The following PRUNE2 variants were observed in gnomAD, a reference collection of about 807,000 sequenced individuals.
The protein encoded by PRUNE2 is prune homolog 2 with BCH domain.
A neutral mutation model predicts 252.0 loss-of-function variants in PRUNE2; 164 were observed. The ratio of observed to expected loss-of-function variants is 0.65; its 90% CI spans 0.57 to 0.74. The LOEUF is 0.74. Ranked by LOEUF, PRUNE2 falls within the 30% of genes least tolerant of loss-of-function variation. The probability of loss-of-function intolerance (pLI) is 0.00; values close to 1 mark genes in which losing one functional copy is unlikely to be tolerated. For missense variants in PRUNE2, 3,495 were observed against 3,711.0 expected (o/e 0.94, Z 1.51); for synonymous variants, 1,292 against 1,350.2 (o/e 0.96, Z 0.94).
At chr9:76,672,116 T>C (rs2041611690) in intron 9 of PRUNE2, among the ~76,000 whole-genome samples, 1 of 151,668 alleles carries the variant, frequency 6.6e-6, no homozygotes, top group African/African-American at 2.4e-5. Context: ...GCGAATTGGA[T>C]AAAGAGTCAA....
intron 1 of PRUNE2, among the ~76,000 whole-genome samples, chr9:76,857,471 C>G (rs960873544): frequency 1.3e-5 from 2 of 152,062 alleles, no homozygotes; most frequent in African/African-American, 4.8e-5. Context: ...CCAGAAGGTA[C>G]CTTTTGTGCC....
intron 4 of PRUNE2, among the ~76,000 whole-genome samples, chr9:76,843,725 CTTT>C (rs71501394): frequency 9.6e-4 from 123 of 128,160 alleles, no homozygotes; most frequent in African/African-American, 2.9e-3. Flanking sequence ...CTTGATTCCT[CTTT>C]TTTTTTTTTT....
At chr9:76,749,163 A>G (rs2050395557) in intron 6 of PRUNE2, among the ~76,000 whole-genome samples, 1 of 152,214 alleles carries the variant, frequency 6.6e-6, no homozygotes, top group African/African-American at 2.4e-5. Context: ...ACTGTAACAT[A>G]TACCACTGAG....
chr9:76,707,668 T>C lies in PRUNE2; in HGVS notation c.4606A>G (p.Ile1536Val), dbSNP rs1475606463. The part of the protein sequence containing the change: ...GSSGNFDRDT[I>V]SSEYTHSSAS... ...CTTGAATGAGTATACTCACTAGAAA[T>C]AGTATCTCTGTCAAAATTTCCAGAC... is the stretch of plus-strand genomic sequence containing the variant. The change falls in exon 8 of 19, where the codon ATT (isoleucine) becomes GTT (valine). Residue 1536 changes from isoleucine (I) to valine (V), a missense_variant. By Grantham distance (29) the Ile-to-Val change is conservative. Coordinates refer to ENST00000376718, the MANE Select transcript of PRUNE2 (RefSeq NM_015225.3). 1.9e-6 allele frequency: 3 copies of C among 1,613,800 alleles called. No individual in the cohort carries two copies.
rs113734144 is a variant in PRUNE2, at chr9:76,857,241, T to C, written c.37-3033A>G. 494 of 422,074 alleles carry C rather than the reference T, an allele frequency of 1.2e-3. 4 individuals are homozygous for C. The highest frequency in any genetic ancestry group is 8.7e-3 in the African/African-American group (424 of 48,790). 26.1% of individuals were successfully genotyped at this position (422,074 alleles called of 1,614,324 possible). ...CACCCCCATCCATCAAAATGTACCATCTTGGTGCCCAGGCTCTCAAGGACC... is the reference window on the plus strand; with the variant it reads ...CACCCCCATCCATCAAAATGTACCACCTTGGTGCCCAGGCTCTCAAGGACC... On this transcript the variant is annotated intron_variant, in intron 1 of 18. Transcript: ENST00000376718.
chr9:76,837,441 A>AATAATAATAATAATAATAAT (rs2059067219), intron 4 of PRUNE2, among the ~76,000 whole-genome samples: 1 of 134,826 alleles, frequency 7.4e-6, no homozygotes, highest in African/African-American at 2.7e-5. Context: ...ACTCTGTCTC[A>AATAATAATAATAATAATAAT]AATAATAATA....
chr9:76,743,620 A>G (rs186497007), intron 6 of PRUNE2, among the ~76,000 whole-genome samples: 1 of 152,256 alleles, frequency 6.6e-6, no homozygotes, highest in Non-Finnish European at 1.5e-5. Context: ...TATCATGTTA[A>G]TATTAAAAGA....
chr9:76,641,810 T>A (rs146989309), intron 12 of PRUNE2: 8,754 of 795,554 alleles, frequency 0.011, 77 homozygotes, highest in Non-Finnish European at 0.015. Flanking sequence ...CAGACAGGCA[T>A]GAAAGGGATG....
chr9:76,759,929 G>C (rs1651596888), intron 6 of PRUNE2: 1 of 152,284 alleles, frequency 6.6e-6, no homozygotes, highest in Non-Finnish European at 1.5e-5. Flanking sequence ...CCTCCCATAA[G>C]GGGTTTGAGC....
intron 6 of PRUNE2, among the ~76,000 whole-genome samples, chr9:76,770,863 T>C (rs1295674740): frequency 1.3e-5 from 2 of 152,192 alleles, no homozygotes; most frequent in African/African-American, 4.8e-5. Flanking sequence ...ACTTTGATAA[T>C]ATCTCAACTA....
intron 6 of PRUNE2, among the ~76,000 whole-genome samples, chr9:76,820,012 G>A (rs940237321): frequency 1.3e-5 from 2 of 152,166 alleles, no homozygotes; most frequent in Non-Finnish European, 2.9e-5. Context: ...AAAGGATCAG[G>A]TGTAACAATA....
At chr9:76,714,948 A>G (rs1435180038) in intron 6 of PRUNE2, among the ~76,000 whole-genome samples, 1 of 152,178 alleles carries the variant, frequency 6.6e-6, no homozygotes, top group African/African-American at 2.4e-5. Flanking sequence ...ATACCACATA[A>G]TTCATCAACT....
chr9:76,718,132 C>A (rs559834063), intron 6 of PRUNE2, among the ~76,000 whole-genome samples: 4 of 152,186 alleles, frequency 2.6e-5, no homozygotes, highest in Non-Finnish European at 4.4e-5. Flanking sequence ...ATAGATTACT[C>A]CATTCACAGC....
intron 1 of PRUNE2, among the ~76,000 whole-genome samples, chr9:76,888,006 T>A (rs2062207517): frequency 6.6e-6 from 1 of 152,080 alleles, no homozygotes; most frequent in African/African-American, 2.4e-5. Flanking sequence ...GAAACAGAAT[T>A]CTGTGTTAAG....
chr9:76,904,106 G>A (rs2063338219), intron 1 of PRUNE2, among the ~76,000 whole-genome samples: 1 of 152,168 alleles, frequency 6.6e-6, no homozygotes, highest in African/African-American at 2.4e-5. Flanking sequence ...GCTGTGGCTG[G>A]ATGTGAAAGG....
At chr9:76,868,968 G>C (rs949171598) in intron 1 of PRUNE2, 6 of 152,052 alleles carry the variant, frequency 3.9e-5, no homozygotes, top group African/African-American at 1.4e-4. Flanking sequence ...GCTGCTGTGC[G>C]GCACAGCTTG....
At chr9:76,721,975 T>C (rs2047678591) in intron 6 of PRUNE2, among the ~76,000 whole-genome samples, 1 of 151,806 alleles carries the variant, frequency 6.6e-6, no homozygotes. Flanking sequence ...AGAGATTTTA[T>C]TTATTTTGTT....
chr9:76,797,280 A>G (rs1414126245), intron 6 of PRUNE2, among the ~76,000 whole-genome samples: 1 of 152,162 alleles, frequency 6.6e-6, no homozygotes, highest in African/African-American at 2.4e-5. Context: ...GTATAAATAT[A>G]TAAAAATGCA....
rs544626420 is a variant in PRUNE2, at chr9:76,712,839, A to G, written c.915+724T>C. Among the ~76,000 whole-genome samples the G allele has an allele frequency of 8.5e-5, 13 of 152,300 alleles. No homozygotes were observed. The South Asian group carries it at 2.7e-3, about 32-fold the overall frequency. The stretch of plus-strand genomic sequence containing the variant: ...CATAGGCATGGGTCAAGAGAGCTAC[A>G]GTGGAGCTCTTGGGGGACAGAAAGG... On this transcript the variant is annotated intron_variant, in intron 7 of 18. Transcript: ENST00000376718.
Sources: gnomAD v4.1 joint callset for allele counts (sites outside exome capture counted in the v4.1 genomes callset) on GRCh38, gnomAD v4.1.1 for gene constraint, MANE v1.5 for transcripts, NCBI Gene and HGNC (gene_info 2026-07-23, HGNC 2026-07-21) for gene names.